Variants in SARAF observed in about 807,000 individuals in gnomAD.
SARAF encodes store-operated calcium entry-associated regulatory factor.
A neutral mutation model predicts 39.7 loss-of-function variants in SARAF; 23 were observed. The ratio of observed to expected loss-of-function variants is 0.58; its 90% CI spans 0.42 to 0.82. SARAF has a LOEUF of 0.82. SARAF is among the 40% of genes least tolerant of loss of function. The pLI, the probability that SARAF is intolerant of heterozygous loss-of-function variation, is 0.00. For synonymous variants in SARAF, 175 were observed against 168.5 expected (o/e 1.04, Z -0.30); for missense variants, 384 against 418.5 (o/e 0.92, Z 0.72).
chr8:30,081,241 T>G (rs1802091648), intron 1 of SARAF, among the ~76,000 whole-genome samples: 2 of 152,356 alleles, frequency 1.3e-5, no homozygotes, highest in Non-Finnish European at 2.9e-5. Flanking sequence ...TGCTTTGTGT[T>G]CCAGAACAAT....
chr8:30,064,534 C>CATATATATATATATATATATAT (rs71204255), intron 5 of SARAF, among the ~76,000 whole-genome samples: 6 of 78,226 alleles, frequency 7.7e-5, no homozygotes, highest in South Asian at 5.0e-4. Flanking sequence ...CTTACCTAGC[C>CATATATATATATATATATATAT]ATATATATAT....
chr8:30,073,787 G>T lies in SARAF; in HGVS notation c.282+90C>A. ...TTAGGCTGATCTGAGATTTCCGTAG[G>T]TGCACCCTCAAAAGACTGAATAATG... On this transcript the variant is annotated intron_variant, in intron 2 of 5. Transcript: ENST00000256255. The T allele has an allele frequency of 4.4e-6, 5 of 1,144,674 alleles. No individual in the cohort carries two copies. In the South Asian group the frequency reaches 6.4e-5, roughly 15 times the overall value. 70.9% of individuals were successfully genotyped at this position (1,144,674 alleles called of 1,614,324 possible).
chr8:30,074,319 GAACA>G (rs1387066423), intron 1 of SARAF, among the ~76,000 whole-genome samples: 1 of 152,090 alleles, frequency 6.6e-6, no homozygotes. Flanking sequence ...TAAATCAAAA[GAACA>G]AAAAGTTCAT....
intron 3 of SARAF, among the ~76,000 whole-genome samples, chr8:30,068,665 CTTA>C (rs1483201800): frequency 7.0e-6 from 1 of 142,906 alleles, no homozygotes; most frequent in Non-Finnish European, 1.5e-5. Context: ...GATGTCTTCT[CTTA>C]TTATAAAATG....
intron 5 of SARAF, among the ~76,000 whole-genome samples, chr8:30,064,200 C>T (rs1357909456): frequency 6.6e-6 from 1 of 152,152 alleles, no homozygotes; most frequent in African/African-American, 2.4e-5. Context: ...ACAGGCAATA[C>T]TCAAAGTCTA....
In SARAF at chr8:30,083,012, C is replaced by T; in HGVS notation, c.-63G>A. On this transcript the variant is annotated 5_prime_UTR_variant, in exon 1 of 6. Coordinates refer to ENST00000256255, the MANE Select transcript of SARAF (RefSeq NM_016127.6). ...TACGGGCCGAACCTGGGTGCGGTAG[C>T]GCGCGCGACGCTGCGCAGCTACACC... 1.6e-6 allele frequency: 2 copies of T among 1,258,560 alleles called. No individual in the cohort carries two copies. The highest frequency in any genetic ancestry group is 2.7e-4 in the Middle Eastern group (1 of 3,704). 78.0% of individuals were successfully genotyped at this position (1,258,560 alleles called of 1,614,324 possible).
At position 30,065,922 on chromosome 8, in the gene SARAF, T is replaced by A. The variant is rs769962633; in HGVS notation, c.994+66A>T. ...GGTTGCTAAACAGATAATCATCTTC[T>A]AAAGTTCCCAAACTATTTCTGTACT... On this transcript the variant is annotated intron_variant, in intron 5 of 5. Transcript: ENST00000256255. 6.4e-6 allele frequency: 10 copies of A among 1,567,334 alleles called. No individual in the cohort carries two copies. The East Asian group carries it at 2.2e-4, about 35-fold the overall frequency.
chr8:30,073,889 C>G lies in SARAF; in HGVS notation c.270G>C (p.Gly90=). 1 of 1,614,048 alleles carries G rather than the reference C, an allele frequency of 6.2e-7. No homozygotes were observed. Among genetic ancestry groups the G allele is most frequent in the Non-Finnish European group, 8.5e-7 (1 of 1,179,920 alleles). Residue 90 remains glycine (G), a synonymous_variant, in exon 2 of 6, where the codon GGG becomes GGC. Coordinates refer to ENST00000256255, the MANE Select transcript of SARAF (RefSeq NM_016127.6). The part of the protein sequence containing the change: ...VIQCQNKGWD[G]YDVQWECKTD... Reference sequence around the variant, plus strand: ...TAGTGGATATTACCTGTACATCATACCCATCCCAGCCTTTGTTCTGACACT... The same window carrying G: ...TAGTGGATATTACCTGTACATCATAGCCATCCCAGCCTTTGTTCTGACACT...
chr8:30,079,158 C>CAA (rs60893961), intron 1 of SARAF, among the ~76,000 whole-genome samples: 47 of 54,254 alleles, frequency 8.7e-4, no homozygotes, highest in Middle Eastern at 0.011. Context: ...AACTCCATCT[C>CAA]AAAAAAAAAA....
At chr8:30,082,375 A>G (rs1802124091) in intron 1 of SARAF, 1 of 152,744 alleles carries the variant, frequency 6.5e-6, no homozygotes, top group African/African-American at 2.4e-5. Context: ...GATTCTGCTA[A>G]CAGACCTGCG....
rs1358082804 is a variant in SARAF, at chr8:30,076,003, AAC to A, written c.104-1950_104-1949del. ...CCCTAAAAAAAAACAAAAAAAAAAA[AAC>A]AAAAAACGGGAAATGGCAGCTCTGG... On this transcript the variant is annotated intron_variant, in intron 1 of 5. Coordinates refer to ENST00000256255, the MANE Select transcript of SARAF (RefSeq NM_016127.6). Among the ~76,000 whole-genome samples, 638 of 144,696 alleles carry A rather than the reference AAC, an allele frequency of 4.4e-3. 161 individuals carry two copies. Among genetic ancestry groups the A allele is most frequent in the African/African-American group, 0.015 (555 of 37,456 alleles). The allele number at this position is 144,696 out of a possible 152,430, so 94.9% of individuals were successfully genotyped here.
In SARAF at chr8:30,074,073, CAG is replaced by C; in HGVS notation, c.104-20_104-19del. 3 of 1,604,332 alleles carry C rather than the reference CAG, an allele frequency of 1.9e-6. No individual in the cohort carries two copies. The highest frequency in any genetic ancestry group is 2.6e-6 in the Non-Finnish European group (3 of 1,173,176). ...CATTCTGTCTGAAACAGCAAGAAAA[CAG>C]AGGAACACAAAGTAAGTATCGTGTC... On this transcript the variant is annotated intron_variant, in intron 1 of 5. Transcript: ENST00000256255.
intron 1 of SARAF, among the ~76,000 whole-genome samples, chr8:30,078,654 G>C (rs979363881): frequency 6.6e-6 from 1 of 152,052 alleles, no homozygotes; most frequent in Non-Finnish European, 1.5e-5. Context: ...TTTCCCACAA[G>C]TATTTAATAT....
At chr8:30,082,619 T>C (rs1802131724) in intron 1 of SARAF, 1 of 449,302 alleles carries the variant, frequency 2.2e-6, no homozygotes, top group East Asian at 3.7e-5. Context: ...ACCTTAAGGA[T>C]CTCCAGCCGT....
chr8:30,064,545 A>ATTTTTTT (rs1327312959), intron 5 of SARAF, among the ~76,000 whole-genome samples: 5 of 32,960 alleles, frequency 1.5e-4, no homozygotes, highest in Non-Finnish European at 3.1e-4. Flanking sequence ...ATATATATAT[A>ATTTTTTT]TATATATATA....
At chr8:30,064,010 A>G in intron 5 of SARAF, 97 bp from the exon 6 acceptor site, 1 of 1,086,630 alleles carries the variant, frequency 9.2e-7, no homozygotes, top group Non-Finnish European at 1.4e-6. Context: ...CAGCAAATGA[A>G]TGAGATAGGA....
Position 30,083,011 on chromosome 8 carries a change from G to A in SARAF, c.-62C>T. The A allele has an allele frequency of 7.7e-7, 1 of 1,306,504 alleles. No individual in the cohort carries two copies. The highest frequency in any genetic ancestry group is 2.4e-5 in the Admixed American group (1 of 41,790). The allele number at this position is 1,306,504 out of a possible 1,614,324, so 80.9% of individuals were successfully genotyped here. ...CTACGGGCCGAACCTGGGTGCGGTA[G>A]CGCGCGCGACGCTGCGCAGCTACAC... On this transcript the variant is annotated 5_prime_UTR_variant, in exon 1 of 6. Transcript: ENST00000256255.
chr8:30,070,815 T>A (rs1052214474), intron 2 of SARAF, among the ~76,000 whole-genome samples: 6 of 152,194 alleles, frequency 3.9e-5, no homozygotes, highest in African/African-American at 1.4e-4. Flanking sequence ...AGATATTACA[T>A]AACCTTCAGA....
At chr8:30,064,561 A>ATATATATATATATTTTTTT (rs1423689069) in intron 5 of SARAF, among the ~76,000 whole-genome samples, 1 of 46,224 alleles carries the variant, frequency 2.2e-5, no homozygotes, top group African/African-American at 1.1e-4. Flanking sequence ...ATATATATAT[A>ATATATATATATATTTTTTT]TTTTTTTTTT....
Sources: allele counts gnomAD v4.1 joint callset (sites outside exome capture counted in the v4.1 genomes callset), GRCh38; gene constraint gnomAD v4.1.1; transcripts MANE v1.5; gene names NCBI Gene and HGNC (gene_info 2026-07-23, HGNC 2026-07-21).